The following TFEC variants were observed in gnomAD, a reference collection of about 807,000 sequenced individuals.
The protein encoded by TFEC is transcription factor EC.
A neutral mutation model predicts 41.6 loss-of-function variants in TFEC; 31 were observed. The ratio of observed to expected loss-of-function variants is 0.74; its 90% CI spans 0.56 to 1.01. The LOEUF is 1.01. Ranked by LOEUF, TFEC falls within the 50% of genes least tolerant of loss-of-function variation. The pLI, the probability that TFEC is intolerant of heterozygous loss-of-function variation, is 0.00. For missense variants in TFEC, 402 were observed against 404.1 expected, an observed-to-expected ratio of 0.99 and a Z score of 0.04; for synonymous variants, 143 against 140.6, an observed-to-expected ratio of 1.02 and a Z score of -0.12.
Position 115,940,615 on chromosome 7 carries a change from G to C in TFEC, c.980C>G (p.Pro327Arg). Residue 327 changes from proline (P) to arginine (R), a missense_variant, in exon 8 of 8, where the codon CCT becomes CGT. By Grantham distance (103) the Pro-to-Arg change is moderately radical. Transcript: ENST00000265440. ...CCTACTGCTTTCTTTGGAAACTGCAGGGGAAGTGGCAGATAGCAGAGGATC... is the reference window on the plus strand; with the variant it reads ...CCTACTGCTTTCTTTGGAAACTGCACGGGAAGTGGCAGATAGCAGAGGATC... Reference protein sequence around the residue: ...GTDPLLSATSPAVSKESSRRS... With the variant: ...GTDPLLSATSRAVSKESSRRS... The C allele has an allele frequency of 6.2e-7, 1 of 1,613,454 alleles. No homozygotes were observed. Among genetic ancestry groups the C allele is most frequent in the Non-Finnish European group, 8.5e-7 (1 of 1,179,610 alleles).
chr7:116,024,732 CCT>C (rs758714431), intron 1 of TFEC, among the ~76,000 whole-genome samples: 8 of 152,132 alleles, frequency 5.3e-5, no homozygotes, highest in Non-Finnish European at 7.3e-5. Context: ...CTTTTATCCC[CCT>C]GTTAAGAAGA....
intron 1 of TFEC, among the ~76,000 whole-genome samples, chr7:116,008,455 A>T (rs542287478): frequency 6.6e-6 from 1 of 152,308 alleles, no homozygotes; most frequent in Non-Finnish European, 1.5e-5. Context: ...TAATTTTGTT[A>T]ATTTCATACT....
intron 3 of TFEC, among the ~76,000 whole-genome samples, chr7:116,057,593 TA>T (rs1796458869): frequency 6.6e-6 from 1 of 151,836 alleles, no homozygotes; most frequent in Non-Finnish European, 1.5e-5. Context: ...AATTTATGGG[TA>T]AACATATACA....
At chr7:116,140,497 G>A (rs891639699) in intron 1 of TFEC, among the ~76,000 whole-genome samples, 6 of 152,128 alleles carry the variant, frequency 3.9e-5, no homozygotes, top group Admixed American at 1.3e-4. Context: ...TCCAAATCCT[G>A]AATTTCTGCT....
upstream of TFEC, among the ~76,000 whole-genome samples, chr7:116,033,093 C>A (rs959567034): frequency 1.3e-5 from 2 of 150,704 alleles, no homozygotes; most frequent in African/African-American, 2.4e-5. Context: ...TAATTAATCA[C>A]GTGACAAAGA....
Position 115,954,572 on chromosome 7 carries a change from A to G in TFEC, c.439+14T>C, listed in dbSNP as rs752415112. 6.2e-6 allele frequency: 10 copies of G among 1,604,568 alleles called. No individual in the cohort carries two copies. Among genetic ancestry groups the G allele is most frequent in the Non-Finnish European group, 8.5e-6 (10 of 1,174,816 alleles). On this transcript the variant is annotated intron_variant, in intron 5 of 7. Coordinates refer to ENST00000265440, the MANE Select transcript of TFEC (RefSeq NM_012252.4). ...CCTTTTGCATTAATTTTATATGGAA[A>G]AATATATACTCACTGAGGTTGTGGT...
At chr7:116,089,846 T>G (rs988945393) in intron 3 of TFEC, among the ~76,000 whole-genome samples, 1 of 152,132 alleles carries the variant, frequency 6.6e-6, no homozygotes. Flanking sequence ...ATTCTGGTTT[T>G]GAAACAAAGA....
upstream of TFEC, among the ~76,000 whole-genome samples, chr7:116,034,713 C>G (rs1012098395): frequency 6.6e-6 from 1 of 151,380 alleles, no homozygotes; most frequent in African/African-American, 2.4e-5. Flanking sequence ...CACACACACA[C>G]AGCAACCAGA....
At chr7:116,152,270 A>T (rs1798777473) in intron 1 of TFEC, among the ~76,000 whole-genome samples, 1 of 152,236 alleles carries the variant, frequency 6.6e-6, no homozygotes, top group Non-Finnish European at 1.5e-5. Context: ...CCACAGAAGC[A>T]TGATCCTGAT....
intron 1 of TFEC, among the ~76,000 whole-genome samples, chr7:115,998,212 C>A (rs1351564993): frequency 6.7e-6 from 1 of 149,428 alleles, no homozygotes; most frequent in African/African-American, 2.4e-5. Context: ...ATGAGAAAAA[C>A]AAAATTTTAT....
At chr7:116,114,136 A>G (rs1464151531) in intron 1 of TFEC, among the ~76,000 whole-genome samples, 2 of 152,096 alleles carry the variant, frequency 1.3e-5, no homozygotes, top group African/African-American at 4.8e-5. Context: ...TTTAAACTTC[A>G]AACAGTGCTT....
intron 3 of TFEC, among the ~76,000 whole-genome samples, chr7:115,971,607 T>C (rs1488828405): frequency 6.6e-6 from 1 of 152,020 alleles, no homozygotes; most frequent in East Asian, 1.9e-4. Flanking sequence ...CAGGTCTCAG[T>C]ATCCTGCTCA....
At chr7:116,102,119 T>C (rs1026465247) in intron 3 of TFEC, among the ~76,000 whole-genome samples, 2 of 152,144 alleles carry the variant, frequency 1.3e-5, no homozygotes, top group Non-Finnish European at 2.9e-5. Flanking sequence ...TCATGGAAAA[T>C]ATAACCTCAA....
intron 1 of TFEC, among the ~76,000 whole-genome samples, chr7:116,141,550 CTTTGT>C (rs1396510299): frequency 2.0e-5 from 3 of 152,084 alleles, no homozygotes; most frequent in Admixed American, 6.6e-5. Context: ...ATCATGTGTG[CTTTGT>C]TTTGTTTTTT....
rs184674896 is a variant in TFEC at position 115,964,264 on chromosome 7, C to T, written c.268-7471G>A. 5.3e-3 allele frequency among the ~76,000 whole-genome samples: 808 copies of T among 151,624 alleles called. 8 individuals are homozygous for T. The highest frequency in any genetic ancestry group is 0.018 in the African/African-American group (765 of 41,456). Reference sequence around the variant, plus strand: ...AGAATCAAAAGGTACTTTAAACATACTTCACAAAGAAAAAATCTGAACTAG... The same window carrying T: ...AGAATCAAAAGGTACTTTAAACATATTTCACAAAGAAAAAATCTGAACTAG... On this transcript the variant is annotated intron_variant, in intron 3 of 7. Transcript: ENST00000265440.
intron 1 of TFEC, among the ~76,000 whole-genome samples, chr7:116,011,190 C>T (rs917864570): frequency 1.3e-5 from 2 of 152,100 alleles, no homozygotes; most frequent in Non-Finnish European, 2.9e-5. Context: ...AATAATGTTG[C>T]ACCATATTAC....
At chr7:115,994,703 G>A (rs1489812227) in intron 1 of TFEC, among the ~76,000 whole-genome samples, 2 of 152,164 alleles carry the variant, frequency 1.3e-5, no homozygotes, top group Non-Finnish European at 2.9e-5. Context: ...AACGACAGGT[G>A]CTGGAGAGGA....
intron 3 of TFEC, among the ~76,000 whole-genome samples, chr7:115,961,984 T>G (rs530552578): frequency 7.2e-5 from 11 of 151,746 alleles, no homozygotes; most frequent in African/African-American, 2.7e-4. Flanking sequence ...GTGCTGATTT[T>G]ATGTACTGCA....
chr7:116,131,074 T>C (rs1158235554), intron 1 of TFEC, among the ~76,000 whole-genome samples: 2 of 152,234 alleles, frequency 1.3e-5, no homozygotes, highest in African/African-American at 2.4e-5. Flanking sequence ...ATACTAATTA[T>C]ATTTGGTACG....
Sources: gnomAD v4.1 joint callset for allele counts (sites outside exome capture counted in the v4.1 genomes callset) on GRCh38, gnomAD v4.1.1 for gene constraint, MANE v1.5 for transcripts, NCBI Gene and HGNC (gene_info 2026-07-23, HGNC 2026-07-21) for gene names.